The following CRB1 variants were observed in gnomAD, a reference collection of about 807,000 sequenced individuals.
CRB1 encodes crumbs cell polarity complex component 1, also known as protein crumbs homolog 1.
Under a neutral mutation model 120.0 loss-of-function variants are expected in CRB1, and 83 were observed. That is an observed-to-expected ratio of 0.69 (90% CI 0.58 to 0.83). CRB1 has a LOEUF of 0.83. CRB1 is among the 40% of genes least tolerant of loss of function. The pLI, the probability that CRB1 is intolerant of heterozygous loss-of-function variation, is 0.00. For missense variants in CRB1, 1,699 were observed against 1,687.6 expected (o/e 1.01, Z -0.12); for synonymous variants, 625 against 612.5 (o/e 1.02, Z -0.30).
At chr1:197,306,412 C>T (rs1334558291) in intron 1 of CRB1, among the ~76,000 whole-genome samples, 3 of 152,082 alleles carry the variant, frequency 2.0e-5, no homozygotes, top group African/African-American at 7.2e-5. Flanking sequence ...AGGCAGATAT[C>T]CTGTCCTAAA....
chr1:197,231,207 C>T, the CRB1 span, among the ~76,000 whole-genome samples: 3 of 152,154 alleles, frequency 2.0e-5, no homozygotes, highest in African/African-American at 7.2e-5. Context: ...AATTAGACTA[C>T]AATTCCTGCT....
intron 5 of CRB1, among the ~76,000 whole-genome samples, chr1:197,405,519 G>A (rs539354565): frequency 1.2e-4 from 19 of 152,002 alleles, no homozygotes; most frequent in South Asian, 6.2e-4. Flanking sequence ...AGTGAGGAGC[G>A]TCTCTGCCTG....
chr1:197,304,306 A>T, intron 1 of CRB1: 2 of 580,784 alleles, frequency 3.4e-6, no homozygotes, highest in Non-Finnish European at 4.3e-6. Flanking sequence ...TGATTTTCTA[A>T]TGGTTACATT....
the CRB1 span, among the ~76,000 whole-genome samples, chr1:197,223,639 G>T: frequency 2.0e-5 from 3 of 152,118 alleles, no homozygotes; most frequent in African/African-American, 7.2e-5. Flanking sequence ...CAGCATAGGT[G>T]AAAATCATAT....
chr1:197,247,240 C>G, the CRB1 span, among the ~76,000 whole-genome samples: 3 of 151,970 alleles, frequency 2.0e-5, no homozygotes, highest in Non-Finnish European at 4.4e-5. Context: ...ATTTTTTCTA[C>G]TGTCAAAATG....
intron 9 of CRB1, chr1:197,438,062 G>C (rs1226009922): frequency 5.3e-6 from 1 of 187,300 alleles, no homozygotes; most frequent in Non-Finnish European, 1.1e-5. Context: ...TCGAAGCTAT[G>C]AATTATTACA....
At chr1:197,340,012 C>T (rs1323815680) in intron 2 of CRB1, among the ~76,000 whole-genome samples, 1 of 152,060 alleles carries the variant, frequency 6.6e-6, no homozygotes. Flanking sequence ...AGAATATGTG[C>T]TAAATGCCAC....
intron 4 of CRB1, among the ~76,000 whole-genome samples, chr1:197,349,180 G>T (rs1659948118): frequency 6.6e-6 from 1 of 152,176 alleles, no homozygotes; most frequent in Admixed American, 6.5e-5. Flanking sequence ...ATTGCCTACA[G>T]TATTCAGTAC....
chr1:197,240,549 A>T, the CRB1 span, among the ~76,000 whole-genome samples: 1 of 152,126 alleles, frequency 6.6e-6, no homozygotes, highest in Non-Finnish European at 1.5e-5. Flanking sequence ...ACATGAACTC[A>T]TCCACTTTTA....
intron 5 of CRB1, among the ~76,000 whole-genome samples, chr1:197,367,807 G>T (rs530610996): frequency 6.6e-6 from 1 of 152,198 alleles, no homozygotes; most frequent in South Asian, 2.1e-4. Context: ...TCACCCATCT[G>T]CTCTCTGTAT....
the CRB1 span, among the ~76,000 whole-genome samples, chr1:197,229,519 G>A: frequency 2.0e-5 from 3 of 152,138 alleles, no homozygotes; most frequent in African/African-American, 7.2e-5. Context: ...CATATTGCGT[G>A]ACACTGAGGT....
chr1:197,231,715 C>T, the CRB1 span, among the ~76,000 whole-genome samples: 1 of 152,144 alleles, frequency 6.6e-6, no homozygotes, highest in Non-Finnish European at 1.5e-5. Context: ...GGAAAGATCA[C>T]CAGATACCTA....
At chr1:197,343,027 T>C (rs973593188) in intron 2 of CRB1, among the ~76,000 whole-genome samples, 7 of 152,220 alleles carry the variant, frequency 4.6e-5, no homozygotes, top group African/African-American at 1.7e-4. Flanking sequence ...AATTTCCATT[T>C]TCACCGACAT....
chr1:197,305,099 G>C (rs1306961572), intron 1 of CRB1, among the ~76,000 whole-genome samples: 1 of 152,090 alleles, frequency 6.6e-6, no homozygotes, highest in African/African-American at 2.4e-5. Context: ...CTTAGAGTTG[G>C]TTTTTATGTC....
At chr1:197,374,338 C>G (rs1256950679) in intron 5 of CRB1, among the ~76,000 whole-genome samples, 2 of 152,102 alleles carry the variant, frequency 1.3e-5, no homozygotes, top group African/African-American at 4.8e-5. Context: ...TGGGAAAAGG[C>G]TTGGTCCTTT....
intron 11 of CRB1, chr1:197,444,242 A>G (rs562231541): frequency 6.6e-6 from 1 of 152,328 alleles, no homozygotes; most frequent in East Asian, 1.9e-4. Context: ...TGCAATAGTA[A>G]TAGACAATTT....
At chr1:197,410,717 C>T (rs569779325) in intron 5 of CRB1, among the ~76,000 whole-genome samples, 12 of 152,226 alleles carry the variant, frequency 7.9e-5, no homozygotes, top group South Asian at 4.1e-4. Flanking sequence ...ATTATTCATG[C>T]GGCATATTCT....
At chr1:197,461,442 G>A (rs1666525873) in intron 11 of CRB1, among the ~76,000 whole-genome samples, 1 of 152,076 alleles carries the variant, frequency 6.6e-6, no homozygotes, top group Non-Finnish European at 1.5e-5. Flanking sequence ...GCCTGGGGTG[G>A]GTTATGAGAG....
chr1:197,299,372 CAAGT>C (rs775108777), intron 1 of CRB1, among the ~76,000 whole-genome samples: 1 of 152,022 alleles, frequency 6.6e-6, no homozygotes, highest in Non-Finnish European at 1.5e-5. Flanking sequence ...TGTGGAACAA[CAAGT>C]AAGAGTGACT....
Sources: gnomAD v4.1 joint callset for allele counts (sites outside exome capture counted in the v4.1 genomes callset) on GRCh38, gnomAD v4.1.1 for gene constraint, MANE v1.5 for transcripts, NCBI Gene and HGNC (gene_info 2026-07-23, HGNC 2026-07-21) for gene names.